The following RALGAPA1 variants were observed in gnomAD, a reference collection of about 807,000 sequenced individuals.
RALGAPA1 encodes the protein Ral GTPase activating protein catalytic subunit alpha 1.
RALGAPA1 carries 52 observed loss-of-function variants against 269.6 expected under a neutral mutation model. That is an observed-to-expected ratio of 0.19 (90% CI 0.15 to 0.24). The LOEUF is 0.24. RALGAPA1 is among the 10% of genes least tolerant of loss of function. RALGAPA1 has a pLI of 1.00. For missense variants in RALGAPA1, 1,917 were observed against 3,013.9 expected, an observed-to-expected ratio of 0.64 and a Z score of 8.52; for synonymous variants, 817 against 1,008.3, an observed-to-expected ratio of 0.81 and a Z score of 3.60.
chr14:35,554,415 C>T (rs1255100334), intron 39 of RALGAPA1, among the ~76,000 whole-genome samples: 3 of 130,606 alleles, frequency 2.3e-5, no homozygotes, highest in Non-Finnish European at 3.1e-5. Flanking sequence ...GGCGGGATCT[C>T]GGCTCACTGC....
At chr14:35,769,028 AAAAAAAAATATATATATATATATAT>A (rs1210545494) in intron 4 of RALGAPA1, among the ~76,000 whole-genome samples, 6 of 95,874 alleles carry the variant, frequency 6.3e-5, no homozygotes, top group African/African-American at 3.0e-4. Context: ...AAAAAAAAAA[AAAAAAAAATATATATATATATATAT>A]ATATATATAT....
chr14:35,721,562 C>T (rs1298479352), intron 16 of RALGAPA1, 126 bp downstream of exon 16: 1 of 784,710 alleles, frequency 1.3e-6, no homozygotes, highest in East Asian at 2.6e-5. Context: ...AAAGGCTTTG[C>T]TATAGCAGTT....
At chr14:35,603,329 T>A (rs1250210237) in intron 36 of RALGAPA1, among the ~76,000 whole-genome samples, 7 of 152,172 alleles carry the variant, frequency 4.6e-5, no homozygotes, top group African/African-American at 1.7e-4. Flanking sequence ...TTTTATACTT[T>A]TCAAAGCATT....
chr14:35,787,907 A>G (rs951503151), intron 1 of RALGAPA1, among the ~76,000 whole-genome samples: 1 of 151,776 alleles, frequency 6.6e-6, no homozygotes, highest in Non-Finnish European at 1.5e-5. Context: ...TCTAATAAAG[A>G]CTGAGACAGA....
intron 10 of RALGAPA1, among the ~76,000 whole-genome samples, chr14:35,747,988 T>C (rs2072283505): frequency 6.6e-6 from 1 of 151,876 alleles, no homozygotes; most frequent in South Asian, 2.1e-4. Context: ...GCCTTGAGGG[T>C]AAAAGCAATA....
At chr14:35,769,131 AG>A (rs1403650828) in intron 4 of RALGAPA1, among the ~76,000 whole-genome samples, 1 of 149,514 alleles carries the variant, frequency 6.7e-6, no homozygotes, top group Non-Finnish European at 1.5e-5. Context: ...AAAAGTATAA[AG>A]AAAATCAATG....
intron 17 of RALGAPA1, among the ~76,000 whole-genome samples, chr14:35,697,657 T>G (rs79359503): frequency 7.0e-6 from 1 of 143,070 alleles, no homozygotes; most frequent in Non-Finnish European, 1.5e-5. Flanking sequence ...AACAGTTTTG[T>G]TTTTTTTTTT....
At chr14:35,791,916 A>AG (rs1192372457) in intron 1 of RALGAPA1, among the ~76,000 whole-genome samples, 1 of 150,460 alleles carries the variant, frequency 6.6e-6, no homozygotes, top group East Asian at 1.9e-4. Context: ...AAAAAAAAAA[A>AG]AAAAAAAAAA....
intron 41 of RALGAPA1, 121 bp downstream of exon 41, chr14:35,548,387 A>C: frequency 1.7e-6 from 1 of 578,988 alleles, no homozygotes. Context: ...TGAAATGTTT[A>C]GTATGAACCG....
chr14:35,798,435 C>T (rs2076733745), intron 1 of RALGAPA1, among the ~76,000 whole-genome samples: 1 of 152,134 alleles, frequency 6.6e-6, no homozygotes, highest in African/African-American at 2.4e-5. Context: ...CCTTGATCTC[C>T]CAAAGTGCTG....
chr14:35,615,689 T>G (rs533183772), intron 35 of RALGAPA1, among the ~76,000 whole-genome samples: 3 of 152,226 alleles, frequency 2.0e-5, no homozygotes, highest in Non-Finnish European at 4.4e-5. Context: ...TGCATGAGAA[T>G]GGAGGTTTGT....
chr14:35,585,332 T>C (rs951656763), intron 37 of RALGAPA1, among the ~76,000 whole-genome samples: 1 of 152,186 alleles, frequency 6.6e-6, no homozygotes, highest in Non-Finnish European at 1.5e-5. Flanking sequence ...AACAGAAAGA[T>C]AGTTGGAAAA....
chr14:35,563,353 G>A (rs946345283), intron 39 of RALGAPA1, among the ~76,000 whole-genome samples: 2 of 152,136 alleles, frequency 1.3e-5, no homozygotes, highest in South Asian at 4.2e-4. Flanking sequence ...GGCATTACTG[G>A]GGTAACAACA....
At chr14:35,629,923 A>C (rs1416113610) in intron 33 of RALGAPA1, among the ~76,000 whole-genome samples, 2 of 152,220 alleles carry the variant, frequency 1.3e-5, no homozygotes, top group African/African-American at 4.8e-5. Context: ...AAATTCCCTC[A>C]TCAAAAAAGA....
chr14:35,635,394 G>T, intron 32 of RALGAPA1, 70 bp downstream of exon 32: 1 of 1,432,798 alleles, frequency 7.0e-7, no homozygotes, highest in Non-Finnish European at 9.3e-7. Flanking sequence ...ATGTTATACT[G>T]AGAAATGTTA....
chr14:35,671,461 C>A lies in RALGAPA1; in HGVS notation c.5130G>T (p.Leu1710Phe). Residue 1710 changes from leucine (L) to phenylalanine (F), a missense_variant, in exon 26 of 42, where the codon TTG becomes TTT. Physicochemically the swap from Leu to Phe is conservative, Grantham distance 22. This residue lies in a region of RALGAPA1 where 346 missense variants were observed against 566.1 expected (regional missense o/e 0.61). Coordinates refer to ENST00000680220, the MANE Select transcript of RALGAPA1 (RefSeq NM_001346249.2). ...HCSPQFFSLG[L>F]PGATMLIMDF... is the part of the protein sequence containing the mutation. ...CCATAATAAGCATTGTGGCACCAGG[C>A]AAACCAAGTGAAAAAAATTGAGGTG... The A allele has an allele frequency of 6.2e-7, 1 of 1,606,490 alleles. No individual in the cohort carries two copies. Among genetic ancestry groups the A allele is most frequent in the African/African-American group, 1.3e-5 (1 of 74,754 alleles).
intron 39 of RALGAPA1, among the ~76,000 whole-genome samples, chr14:35,555,297 G>A (rs1185044246): frequency 6.6e-6 from 1 of 152,060 alleles, no homozygotes; most frequent in Admixed American, 6.5e-5. Context: ...CCCATTGGTT[G>A]TGATAATTGT....
chr14:35,681,634 GT>G (rs1245965944), intron 21 of RALGAPA1, among the ~76,000 whole-genome samples: 2 of 152,082 alleles, frequency 1.3e-5, no homozygotes, highest in African/African-American at 4.8e-5. Flanking sequence ...ATTAAAATTT[GT>G]TTTACAGAAC....
At chr14:35,711,222 G>A (rs545397632) in intron 16 of RALGAPA1, among the ~76,000 whole-genome samples, 1 of 152,264 alleles carries the variant, frequency 6.6e-6, no homozygotes, top group African/African-American at 2.4e-5. Flanking sequence ...GACAGCTAAT[G>A]TTTAAAGTGA....
Sources: allele counts gnomAD v4.1 joint callset (sites outside exome capture counted in the v4.1 genomes callset), GRCh38; gene constraint gnomAD v4.1.1; regional missense constraint gnomAD v4.1.1; transcripts MANE v1.5; gene names NCBI Gene and HGNC (gene_info 2026-07-23, HGNC 2026-07-21).